RBKS: variants seen among roughly 807,000 people sequenced by gnomAD.
RBKS encodes ribokinase.
A neutral mutation model predicts 33.9 loss-of-function variants in RBKS; 33 were observed. That is an observed-to-expected ratio of 0.97 (90% CI 0.74 to 1.30). RBKS has a LOEUF of 1.30. RBKS is among the 50% of genes most tolerant of loss of function. The pLI is 0.00. For missense variants in RBKS, 361 were observed against 392.6 expected (o/e 0.92, Z 0.68); for synonymous variants, 125 against 143.0 (o/e 0.87, Z 0.90).
intron 7 of RBKS, among the ~76,000 whole-genome samples, chr2:27,783,366 A>G (rs925234931): frequency 9.9e-5 from 15 of 152,206 alleles, no homozygotes; most frequent in Admixed American, 7.2e-4. Context: ...CCGTTTCTTC[A>G]TTAAAAATGC....
chr2:27,821,615 T>C (rs1467358297), intron 7 of RBKS, among the ~76,000 whole-genome samples: 1 of 152,126 alleles, frequency 6.6e-6, no homozygotes, highest in Non-Finnish European at 1.5e-5. Context: ...CACTAAAGTA[T>C]GTATTAATTT....
At chr2:27,858,093 A>G (rs990638714) in intron 2 of RBKS, among the ~76,000 whole-genome samples, 2 of 152,222 alleles carry the variant, frequency 1.3e-5, no homozygotes, top group Non-Finnish European at 2.9e-5. Flanking sequence ...ATGCTAAGTG[A>G]AAGAAGCCAG....
intron 7 of RBKS, among the ~76,000 whole-genome samples, chr2:27,816,755 G>A (rs1314766507): frequency 1.3e-5 from 2 of 151,938 alleles, no homozygotes; most frequent in African/African-American, 4.8e-5. Flanking sequence ...CTGCCACCAC[G>A]CCCAGCTAAT....
chr2:27,809,839 C>A (rs1677959321), intron 7 of RBKS: 1 of 910,748 alleles, frequency 1.1e-6, no homozygotes, highest in African/African-American at 1.7e-5. Flanking sequence ...ATATTAGCAC[C>A]AACCACAGGT....
At position 27,827,733 on chromosome 2, in the gene RBKS, G is replaced by A. The variant is rs753654813; in HGVS notation, c.629C>T (p.Thr210Met). 4.5e-5 allele frequency: 72 copies of A among 1,601,300 alleles called. No homozygotes were observed. The highest frequency in any genetic ancestry group is 6.0e-5 in the Non-Finnish European group (70 of 1,175,574). Residue 210 changes from threonine (T) to methionine (M), a missense_variant, in exon 7 of 8, where the codon ACG becomes ATG. Thr to Met is a moderately conservative substitution (Grantham distance 81). Transcript: ENST00000302188. The stretch of plus-strand genomic sequence containing the variant: ...CCCAGCATCTGCAGCGCTGCCCACC[G>A]TGAGGCCAGTTAAAATCTCAGCCTA... ...ESEAEILTGL[T>M]VGSAADAGEA...
At chr2:27,785,416 A>C (rs1367537165) in intron 7 of RBKS, among the ~76,000 whole-genome samples, 1 of 152,208 alleles carries the variant, frequency 6.6e-6, no homozygotes, top group Non-Finnish European at 1.5e-5. Context: ...ATTTCAGAAA[A>C]GGAAATGTAT....
At position 27,810,130 on chromosome 2, in the gene RBKS, G is replaced by C. The variant is rs184977736; in HGVS notation, c.795+17437C>G. 94 of 1,284,748 alleles carry C rather than the reference G, an allele frequency of 7.3e-5. No individual in the cohort carries two copies. In the East Asian group the frequency reaches 4.7e-3, roughly 65 times the overall value. The allele number at this position is 1,284,748 out of a possible 1,614,324, so 79.6% of individuals were successfully genotyped here. On this transcript the variant is annotated intron_variant, in intron 7 of 7. Coordinates refer to ENST00000302188, the MANE Select transcript of RBKS (RefSeq NM_022128.3). This position sits in a 1 kb window ranked among gnomAD's most constrained non-coding sequence, Gnocchi z 4.4. ...TGGTGTGGATGATTCACAACCAACTGTGTATGTCTTGGCTGGTGCACCTGG... is the reference window on the plus strand; with the variant it reads ...TGGTGTGGATGATTCACAACCAACTCTGTATGTCTTGGCTGGTGCACCTGG...
At chr2:27,790,579 CCAA>C (rs1252005551) in intron 7 of RBKS, among the ~76,000 whole-genome samples, 4 of 151,978 alleles carry the variant, frequency 2.6e-5, no homozygotes, top group Admixed American at 6.6e-5. Context: ...TCCAATAAGA[CCAA>C]CAACACAATA....
chr2:27,859,865 C>G (rs536546414), intron 1 of RBKS, among the ~76,000 whole-genome samples: 2 of 152,274 alleles, frequency 1.3e-5, no homozygotes, highest in South Asian at 4.2e-4. Flanking sequence ...TAGAACAGAG[C>G]AATGACAAGT....
chr2:27,815,203 G>A (rs965482430), intron 7 of RBKS, among the ~76,000 whole-genome samples: 4 of 151,942 alleles, frequency 2.6e-5, no homozygotes, highest in African/African-American at 9.7e-5. Flanking sequence ...GGCTCTAGGT[G>A]GTTTTTTTTC....
chr2:27,814,897 G>A (rs1678057402), intron 7 of RBKS, among the ~76,000 whole-genome samples: 1 of 152,186 alleles, frequency 6.6e-6, no homozygotes, highest in Non-Finnish European at 1.5e-5. Flanking sequence ...TTGCTTTATA[G>A]CTGAACTCTG....
chr2:27,787,818 T>C (rs541534259), intron 7 of RBKS, among the ~76,000 whole-genome samples: 207 of 152,238 alleles, frequency 1.4e-3, no homozygotes, highest in Middle Eastern at 6.9e-3. Context: ...TTTGTGAATA[T>C]AGATGTAAAA....
chr2:27,817,941 G>T (rs1678129641), intron 7 of RBKS, among the ~76,000 whole-genome samples: 1 of 152,142 alleles, frequency 6.6e-6, no homozygotes, highest in East Asian at 1.9e-4. Flanking sequence ...TCAACACCTG[G>T]GGATTACAAT....
intron 7 of RBKS, among the ~76,000 whole-genome samples, chr2:27,814,499 C>A (rs1052561311): frequency 3.3e-5 from 5 of 151,520 alleles, no homozygotes; most frequent in Non-Finnish European, 5.9e-5. Flanking sequence ...TAGTGAGGGG[C>A]GAAATAAATG....
In RBKS at chr2:27,795,352, G is replaced by A. The variant is rs572681094; in HGVS notation, c.796-13564C>T. On this transcript the variant is annotated intron_variant, in intron 7 of 7. Coordinates refer to ENST00000302188, the MANE Select transcript of RBKS (RefSeq NM_022128.3). This position sits in a 1 kb window ranked among gnomAD's most constrained non-coding sequence, Gnocchi z 4.1. The stretch of plus-strand genomic sequence containing the variant: ...GCTCCTGGCTGACAGGGGCCTTCGG[G>A]TCAAAGACAAGAAGGCTGATCTGAA... 6.6e-6 allele frequency among the ~76,000 whole-genome samples: 1 copy of A among 152,230 alleles called. No individual in the cohort carries two copies. Among genetic ancestry groups the A allele is most frequent in the East Asian group, 1.9e-4 (1 of 5,162 alleles).
intron 3 of RBKS, 44 bp downstream of exon 3, chr2:27,847,989 GA>G: frequency 9.0e-7 from 1 of 1,108,002 alleles, no homozygotes; most frequent in Middle Eastern, 2.0e-4. Context: ...CAAAATCACA[GA>G]AAAAAGCTAT....
chr2:27,845,881 T>C lies in RBKS; in HGVS notation c.349+1161A>G, dbSNP rs1419320579. On this transcript the variant is annotated intron_variant, in intron 4 of 7. Transcript: ENST00000302188. ...ATGCTTGGTCCTTCTGAATATTGAT[T>C]CTGATTTAAAAAAACTTATGTAGGC... 4.6e-5 allele frequency among the ~76,000 whole-genome samples: 7 copies of C among 152,188 alleles called. No homozygotes were observed. The East Asian group carries it at 1.3e-3, about 29-fold the overall frequency.
Position 27,890,162 on chromosome 2 carries a change from C to A in RBKS, c.89+95G>T. Reference sequence around the variant, plus strand: ...TACCCAAAGCTAGCACTGTCTATCCCTGGAGACCCAGCGCCCAAAAGCTCC... The same window carrying A: ...TACCCAAAGCTAGCACTGTCTATCCATGGAGACCCAGCGCCCAAAAGCTCC... On this transcript the variant is annotated intron_variant, in intron 1 of 7. Transcript: ENST00000302188. The surrounding 1 kb of genome is among the most constrained non-coding windows in gnomAD (Gnocchi z 4.8). 8.4e-7 allele frequency: 1 copy of A among 1,183,662 alleles called. No individual in the cohort carries two copies. The highest frequency in any genetic ancestry group is 1.3e-5 in the South Asian group (1 of 77,234). The allele number at this position is 1,183,662 out of a possible 1,614,324, so 73.3% of individuals were successfully genotyped here. A position where few individuals can be genotyped will look rare whatever the true frequency, so the allele number is the denominator to read the frequency against.
intron 5 of RBKS, among the ~76,000 whole-genome samples, chr2:27,838,986 G>C (rs1345270808): frequency 6.6e-6 from 1 of 152,182 alleles, no homozygotes; most frequent in Non-Finnish European, 1.5e-5. Flanking sequence ...TTGTCACGGA[G>C]GGCAGGGGCT....
Sources: gnomAD v4.1 joint callset for allele counts (sites outside exome capture counted in the v4.1 genomes callset) on GRCh38, gnomAD v4.1.1 for gene constraint, Gnocchi (gnomAD v3.1) non-coding constraint, MANE v1.5 for transcripts, NCBI Gene and HGNC (gene_info 2026-07-23, HGNC 2026-07-21) for gene names.